The following CFAP77 variants were observed in gnomAD, a reference collection of about 807,000 sequenced individuals.
CFAP77 encodes cilia and flagella associated protein 77.
In CFAP77, 25 loss-of-function variants were observed where a neutral mutation model predicts 31.1. That is an observed-to-expected ratio of 0.80 (90% CI 0.59 to 1.12). The LOEUF (loss-of-function observed/expected upper bound fraction) is 1.12, where lower values mean the gene tolerates loss of function less well. Ranked by LOEUF, CFAP77 falls within the 50% of genes most tolerant of loss-of-function variation. The pLI, the probability that CFAP77 is intolerant of heterozygous loss-of-function variation, is 0.00. For synonymous variants in CFAP77, 151 were observed against 159.9 expected, an observed-to-expected ratio of 0.94 and a Z score of 0.42; for missense variants, 377 against 397.3, an observed-to-expected ratio of 0.95 and a Z score of 0.44.
chr9:132,410,450 AC>A lies in CFAP77; in HGVS notation c.182del (p.Pro61LeufsTer56), dbSNP rs1380850986. 2 of 1,585,754 alleles carry A rather than the reference AC, an allele frequency of 1.3e-6. No individual in the cohort carries two copies. The highest frequency in any genetic ancestry group is 1.7e-6 in the Non-Finnish European group (2 of 1,168,822). On this transcript the variant is annotated frameshift_variant, in exon 1 of 6. Transcript: ENST00000393216. LOFTEE classifies it high-confidence loss of function. Reference protein sequence around the residue: ...LGVVRDSMFQNPLIVKAELGK... With the variant: ...LGVVRDSMFQXPLIVKAELGK... ...GTCGTGCGGGACTCCATGTTTCAGAACCCTCTCATCGTCAAGGTGAGCACCC... is the reference window on the plus strand; with the variant it reads ...GTCGTGCGGGACTCCATGTTTCAGAACCTCTCATCGTCAAGGTGAGCACCC...
At chr9:132,570,990 C>G (rs568959294) in intron 5 of CFAP77, among the ~76,000 whole-genome samples, 118 of 152,282 alleles carry the variant, frequency 7.7e-4, no homozygotes, top group African/African-American at 2.8e-3. Flanking sequence ...AGCACAGAGA[C>G]TTTCCCTACA....
chr9:132,494,749 A>AT (rs1479385829), intron 1 of CFAP77, among the ~76,000 whole-genome samples: 1 of 152,084 alleles, frequency 6.6e-6, no homozygotes, highest in Non-Finnish European at 1.5e-5. Context: ...GTAACAGTGA[A>AT]TTTTTTCTTT....
At chr9:132,537,792 CT>C in intron 4 of CFAP77, 86 bp downstream of exon 4, 1 of 972,870 alleles carries the variant, frequency 1.0e-6, no homozygotes, top group Non-Finnish European at 1.6e-6. Context: ...CGAGATGACA[CT>C]TGTGTATGTT....
At chr9:132,571,150 G>A (rs771670053) in intron 5 of CFAP77, among the ~76,000 whole-genome samples, 3 of 152,074 alleles carry the variant, frequency 2.0e-5, no homozygotes, top group East Asian at 1.9e-4. Flanking sequence ...CTGGATTCTC[G>A]ACAAGCACCC....
chr9:132,530,136 CTTTTTTT>C (rs750962954), intron 3 of CFAP77, among the ~76,000 whole-genome samples: 31 of 93,264 alleles, frequency 3.3e-4, no homozygotes, highest in African/African-American at 8.8e-4. Flanking sequence ...TCTTTCTTTT[CTTTTTTT>C]TTTTTTTTTT....
At position 132,543,058 on chromosome 9, in the gene CFAP77, C is replaced by G. The variant is rs772719147; in HGVS notation, c.732+11C>G. On this transcript the variant is annotated intron_variant, in intron 5 of 5. Transcript: ENST00000393216. ...CCTCACTTCCAGAAGGTCAGTGTCA[C>G]CTTCATCCACACCCCTCCCTGCACC... 4 of 1,607,944 alleles carry G rather than the reference C, an allele frequency of 2.5e-6. No homozygotes were observed. Among genetic ancestry groups the G allele is most frequent in the Admixed American group, 1.7e-5 (1 of 60,014 alleles).
chr9:132,515,689 C>T (rs889216869), intron 3 of CFAP77, among the ~76,000 whole-genome samples: 1 of 152,104 alleles, frequency 6.6e-6, no homozygotes, highest in African/African-American at 2.4e-5. Context: ...CCTGGCACCC[C>T]TTTCTGCAGC....
chr9:132,560,793 C>T (rs1815196665), intron 5 of CFAP77, among the ~76,000 whole-genome samples: 1 of 152,194 alleles, frequency 6.6e-6, no homozygotes, highest in Admixed American at 6.5e-5. Context: ...CGCTGCTCCT[C>T]CCCATTCCCT....
intron 1 of CFAP77, among the ~76,000 whole-genome samples, chr9:132,473,983 T>C (rs1798841036): frequency 6.6e-6 from 1 of 152,180 alleles, no homozygotes; most frequent in South Asian, 2.1e-4. Flanking sequence ...GCGCCTGGGC[T>C]GATCTTGGCT....
At chr9:132,416,374 CTT>C (rs1248290709) in intron 1 of CFAP77, among the ~76,000 whole-genome samples, 1 of 40,198 alleles carries the variant, frequency 2.5e-5, no homozygotes, top group African/African-American at 8.6e-5. Context: ...AAGTTTTGCT[CTT>C]GTTGCCCAGG....
intron 3 of CFAP77, among the ~76,000 whole-genome samples, chr9:132,505,020 TAAAC>T (rs1400851396): frequency 6.6e-6 from 1 of 152,088 alleles, no homozygotes; most frequent in Non-Finnish European, 1.5e-5. Context: ...AATAAATAAA[TAAAC>T]AAAACAAAAC....
intron 1 of CFAP77, among the ~76,000 whole-genome samples, chr9:132,418,645 C>T (rs1214309903): frequency 2.0e-5 from 3 of 152,330 alleles, no homozygotes; most frequent in South Asian, 2.1e-4. Flanking sequence ...TGAGACTTGT[C>T]AATCTCTAGC....
At chr9:132,563,188 T>C (rs929456669) in intron 5 of CFAP77, among the ~76,000 whole-genome samples, 1 of 151,474 alleles carries the variant, frequency 6.6e-6, no homozygotes, top group Non-Finnish European at 1.5e-5. Context: ...CCTGCTAAAA[T>C]TTTTTCTGTA....
At chr9:132,472,761 C>T (rs1176060800) in intron 1 of CFAP77, among the ~76,000 whole-genome samples, 2 of 152,150 alleles carry the variant, frequency 1.3e-5, no homozygotes, top group Admixed American at 1.3e-4. Flanking sequence ...AGGCTGCACT[C>T]TAGCCTGTCT....
intron 3 of CFAP77, among the ~76,000 whole-genome samples, chr9:132,529,908 C>T (rs1021261980): frequency 3.9e-5 from 6 of 151,956 alleles, no homozygotes; most frequent in Admixed American, 1.3e-4. Context: ...TCCATCCTCA[C>T]CAGCAGTGCA....
intron 4 of CFAP77, among the ~76,000 whole-genome samples, chr9:132,538,434 T>A (rs1046099596): frequency 2.0e-5 from 3 of 152,068 alleles, no homozygotes; most frequent in Non-Finnish European, 2.9e-5. Flanking sequence ...GGCAGTGAGG[T>A]TTTTTAGCAG....
chr9:132,449,322 G>C (rs532751988), intron 1 of CFAP77, among the ~76,000 whole-genome samples: 1 of 150,492 alleles, frequency 6.6e-6, no homozygotes, highest in Admixed American at 6.6e-5. Context: ...CCTACTCCTG[G>C]CTGCACTCAC....
In CFAP77 at chr9:132,564,455, G is replaced by A. The variant is rs1368247662; in HGVS notation, c.733-7933G>A. On this transcript the variant is annotated intron_variant, in intron 5 of 5. Transcript: ENST00000393216. This position sits in a 1 kb window ranked among gnomAD's most constrained non-coding sequence, Gnocchi z 4.6. ...CAAACCTAACTGATAAAATTGCCTGGAAATGTAAAATCACGCTTATAAATA... is the reference window on the plus strand; with the variant it reads ...CAAACCTAACTGATAAAATTGCCTGAAAATGTAAAATCACGCTTATAAATA... 6.6e-6 allele frequency among the ~76,000 whole-genome samples: 1 copy of A among 152,136 alleles called. No individual in the cohort carries two copies. The highest frequency in any genetic ancestry group is 1.5e-5 in the Non-Finnish European group (1 of 68,028).
At chr9:132,557,384 C>G (rs1852921834) in intron 5 of CFAP77, among the ~76,000 whole-genome samples, 1 of 152,306 alleles carries the variant, frequency 6.6e-6, no homozygotes, top group South Asian at 2.1e-4. Context: ...GGGAGGAAGC[C>G]CAGTGCGCAC....
Sources: allele counts gnomAD v4.1 joint callset (sites outside exome capture counted in the v4.1 genomes callset), GRCh38; gene constraint gnomAD v4.1.1; non-coding constraint Gnocchi (gnomAD v3.1); transcripts MANE v1.5; gene names NCBI Gene and HGNC (gene_info 2026-07-23, HGNC 2026-07-21).